The following KANK1 variants were observed in gnomAD, a reference collection of about 807,000 sequenced individuals.
The protein encoded by KANK1 is KN motif and ankyrin repeat domains 1, also known as KN motif and ankyrin repeat domain-containing protein 1.
In KANK1, 109 loss-of-function variants were observed where a neutral mutation model predicts 106.2. That is an observed-to-expected ratio of 1.03 (90% confidence interval 0.88 to 1.20). KANK1 has a LOEUF of 1.20. KANK1 is among the 50% of genes most tolerant of loss of function. KANK1 has a pLI of 0.00. For synonymous variants in KANK1, 873 were observed against 652.2 expected, an observed-to-expected ratio of 1.34 and a Z score of -5.16; for missense variants, 2,399 against 1,710.7, an observed-to-expected ratio of 1.40 and a Z score of -7.10.
At chr9:571,570 A>T (rs924083086) in intron 1 of KANK1, among the ~76,000 whole-genome samples, 3 of 148,526 alleles carry the variant, frequency 2.0e-5, no homozygotes, top group African/African-American at 7.3e-5. Flanking sequence ...TAAATAAAAA[A>T]AAAAAAAATT....
chr9:527,126 C>T (rs1285181349), intron 1 of KANK1, among the ~76,000 whole-genome samples: 9 of 151,748 alleles, frequency 5.9e-5, no homozygotes, highest in Non-Finnish European at 1.0e-4. Flanking sequence ...ACCTTCCTTT[C>T]TGTGTGTTTG....
chr9:684,062 C>A, intron 2 of KANK1: 2 of 588,070 alleles, frequency 3.4e-6, no homozygotes, highest in Non-Finnish European at 4.2e-6. Context: ...CCTCAGAATT[C>A]ACCCAGCCCC....
chr9:503,255 T>G (rs963600222), upstream of KANK1, among the ~76,000 whole-genome samples: 80 of 151,918 alleles, frequency 5.3e-4, no homozygotes, highest in African/African-American at 1.5e-3. Context: ...GTGGTGGTGG[T>G]GGGGGATTTT....
intron 1 of KANK1, among the ~76,000 whole-genome samples, chr9:513,618 G>C (rs1457798693): frequency 6.6e-6 from 1 of 152,114 alleles, no homozygotes; most frequent in African/African-American, 2.4e-5. Flanking sequence ...AATAAAATTT[G>C]ACTTGGTTAG....
At chr9:725,677 A>ATTT (rs1830468894) in intron 3 of KANK1, among the ~76,000 whole-genome samples, 1 of 152,060 alleles carries the variant, frequency 6.6e-6, no homozygotes, top group Non-Finnish European at 1.5e-5. Context: ...CCATCCCAGA[A>ATTT]CTGCAGAATG....
intron 1 of KANK1, among the ~76,000 whole-genome samples, chr9:544,570 G>A (rs1207805047): frequency 6.6e-6 from 1 of 152,160 alleles, no homozygotes; most frequent in Non-Finnish European, 1.5e-5. Context: ...TGCAAAGTGA[G>A]GACGTAACAT....
Position 712,305 on chromosome 9 carries a change from T to A in KANK1, c.1539T>A (p.Ser513Arg), listed in dbSNP as rs1024648072. ...CGATGGCCCAGCCGCTTGTTTTCAGTAAGGTGGTGGAGGCAGTGGTGCAGA... is the reference window on the plus strand; with the variant it reads ...CGATGGCCCAGCCGCTTGTTTTCAGAAAGGTGGTGGAGGCAGTGGTGCAGA... Reference protein sequence around the residue: ...KATMAQPLVFSKVVEAVVQTR... With the variant: ...KATMAQPLVFRKVVEAVVQTR... The change falls in exon 3 of 12, where the codon AGT becomes AGA. Residue 513 changes from serine (S) to arginine (R), a missense_variant. Ser to Arg is a moderately radical substitution (Grantham distance 110). Coordinates refer to ENST00000382297, the MANE Select transcript of KANK1 (RefSeq NM_015158.5). 4.3e-6 allele frequency: 7 copies of A among 1,613,916 alleles called. No homozygotes were observed. The African/African-American group carries it at 8.0e-5, about 18-fold the overall frequency.
At chr9:543,063 T>C (rs1411007600) in intron 1 of KANK1, among the ~76,000 whole-genome samples, 1 of 152,212 alleles carries the variant, frequency 6.6e-6, no homozygotes, top group Non-Finnish European at 1.5e-5. Flanking sequence ...GGTGGGTATG[T>C]TAATTAGCTA....
At chr9:695,629 G>C (rs1296468630) in intron 2 of KANK1, among the ~76,000 whole-genome samples, 1 of 151,670 alleles carries the variant, frequency 6.6e-6, no homozygotes, top group Non-Finnish European at 1.5e-5. Flanking sequence ...GCAAGGTATA[G>C]AGGAGGAAGG....
chr9:713,077 C>G lies in KANK1; in HGVS notation c.2311C>G (p.Leu771Val). 4 of 1,613,694 alleles carry G rather than the reference C, an allele frequency of 2.5e-6. No homozygotes were observed. Among genetic ancestry groups the G allele is most frequent in the Non-Finnish European group, 3.4e-6 (4 of 1,179,698 alleles). The change falls in exon 3 of 12, where the codon CTG becomes GTG. Residue 771 changes from leucine to valine, a missense_variant. Transcript: ENST00000382297. Reference sequence around the variant, plus strand: ...GCAGATAAATATTAACGACAACTATCTGGTTGGTCTCAAAATGAGGACTAT... The same window carrying G: ...GCAGATAAATATTAACGACAACTATGTGGTTGGTCTCAAAATGAGGACTAT... Reference protein sequence around the residue: ...VGQININDNYLVGLKMRTIAC... With the variant: ...VGQININDNYVVGLKMRTIAC...
chr9:510,643 TGGG>T (rs2058989463), intron 1 of KANK1, among the ~76,000 whole-genome samples: 2 of 152,076 alleles, frequency 1.3e-5, no homozygotes, highest in Admixed American at 1.3e-4. Flanking sequence ...CACTGGACAG[TGGG>T]GTTGGTGATG....
At chr9:738,677 G>A (rs963865925) in intron 8 of KANK1, among the ~76,000 whole-genome samples, 173 bp downstream of exon 8, 1 of 152,232 alleles carries the variant, frequency 6.6e-6, no homozygotes, top group Non-Finnish European at 1.5e-5. Flanking sequence ...GAGGCTTGAA[G>A]TTTAAACAAA....
intron 2 of KANK1, among the ~76,000 whole-genome samples, chr9:687,880 G>A (rs1301209112): frequency 6.6e-6 from 1 of 152,164 alleles, no homozygotes; most frequent in African/African-American, 2.4e-5. Context: ...AAACTTGAGT[G>A]TTTTAAGAGG....
intron 3 of KANK1, among the ~76,000 whole-genome samples, chr9:486,620 C>G (rs2058297604): frequency 1.3e-5 from 2 of 152,138 alleles, no homozygotes; most frequent in South Asian, 4.1e-4. Context: ...TTAATCTGTG[C>G]ACTGTACTGC....
chr9:536,131 A>G (rs2060286673), intron 1 of KANK1, among the ~76,000 whole-genome samples: 1 of 152,172 alleles, frequency 6.6e-6, no homozygotes. Context: ...TGAGGTCAGG[A>G]GTTAAAGACC....
At chr9:628,459 A>G (rs1041952872) in intron 1 of KANK1, among the ~76,000 whole-genome samples, 2 of 152,224 alleles carry the variant, frequency 1.3e-5, no homozygotes, top group African/African-American at 4.8e-5. Flanking sequence ...AATAGTTAAC[A>G]TCTGAAATCA....
chr9:616,875 C>G (rs1402424632), intron 1 of KANK1, among the ~76,000 whole-genome samples: 1 of 152,170 alleles, frequency 6.6e-6, no homozygotes, highest in East Asian at 1.9e-4. Flanking sequence ...GGAAGTGAGA[C>G]ATGGTATTTC....
chr9:594,626 A>C (rs1825781231), intron 1 of KANK1, among the ~76,000 whole-genome samples: 1 of 151,926 alleles, frequency 6.6e-6, no homozygotes, highest in Admixed American at 6.5e-5. Flanking sequence ...AAATGTCTTA[A>C]GATACAATGA....
At chr9:687,537 G>A (rs1025731787) in intron 2 of KANK1, among the ~76,000 whole-genome samples, 1 of 152,174 alleles carries the variant, frequency 6.6e-6, no homozygotes, top group Admixed American at 6.5e-5. Context: ...TCAGAGACCA[G>A]CTGTATCCAA....
Sources: gnomAD v4.1 joint callset for allele counts (sites outside exome capture counted in the v4.1 genomes callset) on GRCh38, gnomAD v4.1.1 for gene constraint, MANE v1.5 for transcripts, NCBI Gene and HGNC (gene_info 2026-07-23, HGNC 2026-07-21) for gene names.